NEGR1: variants seen among roughly 807,000 people sequenced by gnomAD.
NEGR1 encodes the protein IgLON family member 4.
In NEGR1, 10 loss-of-function variants were observed where a neutral mutation model predicts 40.9. The observed-to-expected ratio is 0.24, with a 90% confidence interval of 0.15 to 0.42. The LOEUF (loss-of-function observed/expected upper bound fraction) is 0.42. NEGR1 is among the 10% of genes least tolerant of loss of function. The probability of loss-of-function intolerance (pLI) is 1.00; values close to 1 mark genes in which losing one functional copy is unlikely to be tolerated. For synonymous variants in NEGR1, 185 were observed against 166.8 expected (o/e 1.11, Z -0.84); for missense variants, 352 against 438.9 (o/e 0.80, Z 1.77).
intron 2 of NEGR1, among the ~76,000 whole-genome samples, chr1:71,814,703 G>T (rs1658134740): frequency 6.6e-6 from 1 of 152,124 alleles, no homozygotes; most frequent in South Asian, 2.1e-4. Flanking sequence ...TTGCACAGAA[G>T]TGTTCATAGT....
intron 6 of NEGR1, among the ~76,000 whole-genome samples, chr1:71,443,768 G>A (rs926705373): frequency 6.6e-6 from 1 of 152,096 alleles, no homozygotes; most frequent in Non-Finnish European, 1.5e-5. Flanking sequence ...ACATACTTTA[G>A]TTTTTTCTAA....
chr1:72,195,422 G>A (rs770425946), intron 1 of NEGR1, among the ~76,000 whole-genome samples: 5 of 151,696 alleles, frequency 3.3e-5, no homozygotes, highest in Non-Finnish European at 7.4e-5. Context: ...AAAAGTCCAC[G>A]TTAATTTTAA....
intron 1 of NEGR1, among the ~76,000 whole-genome samples, chr1:72,238,741 T>C (rs1654641740): frequency 6.6e-6 from 1 of 151,884 alleles, no homozygotes; most frequent in Admixed American, 6.6e-5. Context: ...CATGGGCTTC[T>C]CCTCCCACTC....
intron 1 of NEGR1, among the ~76,000 whole-genome samples, chr1:72,025,233 T>C (rs1646796465): frequency 6.6e-6 from 1 of 152,140 alleles, no homozygotes; most frequent in South Asian, 2.1e-4. Context: ...ATTCAATCTA[T>C]TCACAACATT....
chr1:71,665,805 T>C (rs1034197444), intron 4 of NEGR1, among the ~76,000 whole-genome samples: 1 of 152,212 alleles, frequency 6.6e-6, no homozygotes. Context: ...AATTAAATTA[T>C]ATCTTATAGA....
chr1:71,722,573 G>T (rs1228799046), intron 3 of NEGR1, among the ~76,000 whole-genome samples: 1 of 152,002 alleles, frequency 6.6e-6, no homozygotes, highest in African/African-American at 2.4e-5. Flanking sequence ...AAAACAATGG[G>T]AATAAATAGC....
At chr1:71,465,907 A>G (rs1295321641) in intron 6 of NEGR1, among the ~76,000 whole-genome samples, 1 of 152,052 alleles carries the variant, frequency 6.6e-6, no homozygotes, top group African/African-American at 2.4e-5. Flanking sequence ...GGATTAGAGT[A>G]TATATATAAA....
At chr1:71,952,287 C>G (rs1379906194) in intron 1 of NEGR1, among the ~76,000 whole-genome samples, 1 of 151,892 alleles carries the variant, frequency 6.6e-6, no homozygotes, top group Non-Finnish European at 1.5e-5. Context: ...AATTGCTAAT[C>G]CAGTGAACAT....
intron 1 of NEGR1, among the ~76,000 whole-genome samples, chr1:72,248,575 T>TTA (rs1654978730): frequency 7.5e-6 from 1 of 132,962 alleles, no homozygotes; most frequent in Non-Finnish European, 1.6e-5. Flanking sequence ...TCTATTTTTA[T>TTA]TTATTATTAT....
At chr1:71,628,166 T>A (rs1650849165) in intron 4 of NEGR1, among the ~76,000 whole-genome samples, 1 of 152,046 alleles carries the variant, frequency 6.6e-6, no homozygotes, top group Non-Finnish European at 1.5e-5. Flanking sequence ...TTTAATAATT[T>A]ATTTACTCAG....
At chr1:71,523,960 T>G (rs1474986733) in intron 6 of NEGR1, among the ~76,000 whole-genome samples, 1 of 151,842 alleles carries the variant, frequency 6.6e-6, no homozygotes, top group Non-Finnish European at 1.5e-5. Flanking sequence ...TAATTTTACC[T>G]TATTCTTCTA....
intron 3 of NEGR1, among the ~76,000 whole-genome samples, chr1:71,722,254 T>G (rs1378760950): frequency 6.6e-6 from 1 of 152,140 alleles, no homozygotes; most frequent in Non-Finnish European, 1.5e-5. Context: ...TTTCTTCCCA[T>G]TCCCTTCCCT....
chr1:71,585,464 C>T (rs150515988), intron 6 of NEGR1, among the ~76,000 whole-genome samples: 11 of 152,136 alleles, frequency 7.2e-5, no homozygotes, highest in African/African-American at 2.6e-4. Context: ...ATTTATTTTT[C>T]TATGTGTTTT....
intron 2 of NEGR1, among the ~76,000 whole-genome samples, chr1:71,879,150 A>T (rs1204318059): frequency 6.7e-6 from 1 of 149,732 alleles, no homozygotes; most frequent in Admixed American, 6.6e-5. Context: ...AAAAAAAAAT[A>T]GCAACAAGGA....
chr1:71,650,729 T>C (rs762914598), intron 4 of NEGR1, among the ~76,000 whole-genome samples: 5 of 152,172 alleles, frequency 3.3e-5, no homozygotes, highest in Non-Finnish European at 5.9e-5. Context: ...TACAATGTCA[T>C]CACCATGTGC....
intron 1 of NEGR1, among the ~76,000 whole-genome samples, chr1:72,126,472 T>C (rs1650028174): frequency 6.6e-6 from 1 of 152,096 alleles, no homozygotes; most frequent in Admixed American, 6.6e-5. Context: ...AGGAGGTAAA[T>C]TTAATATTTT....
rs187542711 is a variant in NEGR1, at chr1:71,875,155, C to T, written c.409+59924G>A. ...AGCCACTGTGCCTGGCCAAGTTTTTCGTTTCTATAAAAGTATACTTATATT... is the reference window on the plus strand; with the variant it reads ...AGCCACTGTGCCTGGCCAAGTTTTTTGTTTCTATAAAAGTATACTTATATT... On this transcript the variant is annotated intron_variant, in intron 2 of 6. Transcript: ENST00000357731. Among the ~76,000 whole-genome samples the T allele has an allele frequency of 1.6e-3, 248 of 152,110 alleles. 3 individuals are homozygous for T. In the East Asian group the frequency reaches 0.025, roughly 15 times the overall value.
chr1:71,973,837 G>C (rs1646279032), intron 1 of NEGR1, among the ~76,000 whole-genome samples: 1 of 152,124 alleles, frequency 6.6e-6, no homozygotes, highest in African/African-American at 2.4e-5. Flanking sequence ...GCCTTGGCTT[G>C]TGGCTTCTTG....
chr1:72,072,984 T>G (rs1196534184), intron 1 of NEGR1, among the ~76,000 whole-genome samples: 1 of 152,176 alleles, frequency 6.6e-6, no homozygotes, highest in African/African-American at 2.4e-5. Flanking sequence ...ATCTGTTCCC[T>G]TAGACACAGA....
Sources: allele counts gnomAD v4.1 joint callset (sites outside exome capture counted in the v4.1 genomes callset), GRCh38; gene constraint gnomAD v4.1.1; transcripts MANE v1.5; gene names NCBI Gene and HGNC (gene_info 2026-07-23, HGNC 2026-07-21).